The following ATP2C1 variants were observed in gnomAD, a reference collection of about 807,000 sequenced individuals.
ATP2C1 encodes the protein ATPase secretory pathway Ca2+ transporting 1.
Under a neutral mutation model 120.5 loss-of-function variants are expected in ATP2C1, and 31 were observed. The observed-to-expected ratio is 0.26, with a 90% CI of 0.19 to 0.35. The LOEUF is 0.35. Among genes scored for constraint, ATP2C1 ranks in the 10% least tolerant of loss-of-function variants. ATP2C1 has a pLI of 1.00. For synonymous variants in ATP2C1, 351 were observed against 358.7 expected, an observed-to-expected ratio of 0.98 and a Z score of 0.24; for missense variants, 731 against 1,107.5, an observed-to-expected ratio of 0.66 and a Z score of 4.83.
chr3:130,979,110 T>A, intron 18 of ATP2C1, 139 bp from the exon 19 acceptor site: 1 of 819,014 alleles, frequency 1.2e-6, no homozygotes, highest in Non-Finnish European at 2.0e-6. Flanking sequence ...TCTGTAATCA[T>A]TTTGATTTTA....
chr3:130,992,084 G>A (rs1288929253), intron 20 of ATP2C1, among the ~76,000 whole-genome samples: 1 of 152,206 alleles, frequency 6.6e-6, no homozygotes, highest in Non-Finnish European at 1.5e-5. Context: ...ATGAGGGGCT[G>A]TGAACTCCGG....
chr3:130,963,033 GTTAAATTGCTTATGTCCT>G (rs2060893126), intron 12 of ATP2C1: 1 of 151,968 alleles, frequency 6.6e-6, no homozygotes, highest in African/African-American at 2.4e-5. Context: ...AGAATGAAGG[GTTAAATTGCTTATGTCCT>G]TATTTCTAGC....
chr3:130,998,168 G>T, intron 25 of ATP2C1, 126 bp from the exon 26 acceptor site: 6 of 693,804 alleles, frequency 8.6e-6, no homozygotes, highest in Middle Eastern at 2.6e-4. Flanking sequence ...TAGCTTTTAT[G>T]TTTCATGTGT....
intron 2 of ATP2C1, among the ~76,000 whole-genome samples, chr3:130,916,538 TA>T (rs1310220801): frequency 2.6e-5 from 4 of 152,138 alleles, no homozygotes; most frequent in African/African-American, 9.6e-5. Context: ...TTTATATATA[TA>T]TTTTTTCTTT....
intron 1 of ATP2C1, among the ~76,000 whole-genome samples, chr3:130,884,930 C>CTTT (rs35931105): frequency 0.014 from 1,704 of 120,808 alleles, 48 homozygotes; most frequent in African/African-American, 0.041. Flanking sequence ...TCTTTTCTTT[C>CTTT]TTTTTTTTTT....
chr3:130,999,035 G>A (rs1481014760), intron 26 of ATP2C1, among the ~76,000 whole-genome samples: 1 of 152,120 alleles, frequency 6.6e-6, no homozygotes, highest in Non-Finnish European at 1.5e-5. Context: ...TGCCATGCTG[G>A]AACTTCTGAG....
intron 12 of ATP2C1, among the ~76,000 whole-genome samples, chr3:130,959,785 A>G (rs2060741928): frequency 1.3e-5 from 2 of 152,108 alleles, no homozygotes; most frequent in Non-Finnish European, 1.5e-5. Flanking sequence ...GTAGAAAAGG[A>G]TCAGAGAACA....
chr3:130,885,382 T>G (rs187892075), intron 1 of ATP2C1, among the ~76,000 whole-genome samples: 1 of 152,338 alleles, frequency 6.6e-6, no homozygotes, highest in East Asian at 1.9e-4. Flanking sequence ...TATTTTGTTA[T>G]GTGTTTTCTA....
intron 18 of ATP2C1, 100 bp from the exon 19 acceptor site, chr3:130,979,149 A>G: frequency 1.8e-6 from 2 of 1,121,900 alleles, no homozygotes; most frequent in Non-Finnish European, 2.7e-6. Flanking sequence ...TAAGTGATTT[A>G]TTTAAGAAGT....
At chr3:130,992,648 C>CT (rs1245825529) in intron 20 of ATP2C1, among the ~76,000 whole-genome samples, 2 of 152,086 alleles carry the variant, frequency 1.3e-5, no homozygotes, top group Admixed American at 6.5e-5. Context: ...AGAATTTTTC[C>CT]TTTTTTTGTC....
At chr3:130,960,423 C>T (rs1480885318) in intron 12 of ATP2C1, among the ~76,000 whole-genome samples, 1 of 152,156 alleles carries the variant, frequency 6.6e-6, no homozygotes, top group Non-Finnish European at 1.5e-5. Flanking sequence ...TTGAAACATG[C>T]ATTTCCAGAT....
At chr3:130,968,172 T>C (rs1244005214) in intron 16 of ATP2C1, among the ~76,000 whole-genome samples, 1 of 152,190 alleles carries the variant, frequency 6.6e-6, no homozygotes, top group Non-Finnish European at 1.5e-5. Flanking sequence ...ATATATAGTT[T>C]CCTTGGCAGA....
chr3:130,962,728 A>AG (rs1398599959), intron 12 of ATP2C1, among the ~76,000 whole-genome samples: 2 of 149,350 alleles, frequency 1.3e-5, no homozygotes, highest in African/African-American at 4.9e-5. Flanking sequence ...AAAAAAAAAA[A>AG]AAAAGAAAAG....
At position 130,975,243 on chromosome 3, in the gene ATP2C1, T is replaced by C. The variant is rs2061489496; in HGVS notation, c.1414-89T>C. 4 of 1,307,170 alleles carry C rather than the reference T, an allele frequency of 3.1e-6. No individual in the cohort carries two copies. In the South Asian group the frequency reaches 4.8e-5, roughly 16 times the overall value. The allele number at this position is 1,307,170 out of a possible 1,614,324, so 81.0% of individuals were successfully genotyped here. On this transcript the variant is annotated intron_variant, in intron 17 of 27. Transcript: ENST00000510168. ...GCTTGAGTAACTTCTCTGGGAATTA[T>C]GAGAAATGAATGCCACTTAATTTTG... is the stretch of plus-strand genomic sequence containing the variant.
intron 22 of ATP2C1, among the ~76,000 whole-genome samples, chr3:130,995,430 A>G (rs2062566722): frequency 6.6e-6 from 1 of 151,988 alleles, no homozygotes; most frequent in Non-Finnish European, 1.5e-5. Context: ...AAAAAAAAAA[A>G]GATAATCATT....
intron 12 of ATP2C1, among the ~76,000 whole-genome samples, chr3:130,961,940 C>T (rs186067114): frequency 2.4e-4 from 36 of 152,114 alleles, no homozygotes; most frequent in African/African-American, 8.4e-4. Flanking sequence ...TCTTCTCAAA[C>T]ACCTTAATTT....
chr3:130,968,003 TA>T (rs990234969), intron 16 of ATP2C1, among the ~76,000 whole-genome samples: 9 of 152,158 alleles, frequency 5.9e-5, no homozygotes, highest in African/African-American at 1.9e-4. Context: ...CTGTCACTCA[TA>T]ACAAAAATAA....
Position 130,996,084 on chromosome 3 carries a change from A to C in ATP2C1, c.2099A>C (p.Lys700Thr). The part of the protein sequence containing the change: ...EEGKGIYNNI[K>T]NFVRFQLSTS... ...GGTAAAGGGATTTATAATAACATTA[A>C]AAATTTCGTTAGATTCCAGCTGAGC... The change falls in exon 23 of 28, where the codon AAA becomes ACA. Residue 700 changes from lysine (K) to threonine (T), a missense_variant. Transcript: ENST00000510168. 6.2e-7 allele frequency: 1 copy of C among 1,611,936 alleles called. No individual in the cohort carries two copies. The highest frequency in any genetic ancestry group is 8.5e-7 in the Non-Finnish European group (1 of 1,178,110).
intron 19 of ATP2C1, 122 bp from the exon 20 acceptor site, chr3:130,980,460 T>C: frequency 1.4e-6 from 1 of 711,550 alleles, no homozygotes; most frequent in Non-Finnish European, 2.6e-6. Flanking sequence ...CAGATAGGTT[T>C]GTATTACTGG....
Sources: allele counts gnomAD v4.1 joint callset (sites outside exome capture counted in the v4.1 genomes callset), GRCh38; gene constraint gnomAD v4.1.1; transcripts MANE v1.5; gene names NCBI Gene and HGNC (gene_info 2026-07-23, HGNC 2026-07-21).